CARMIL1: variants seen among roughly 807,000 people sequenced by gnomAD.
CARMIL1 encodes the protein F-actin-uncapping protein LRRC16A.
CARMIL1 carries 90 observed loss-of-function variants against 177.1 expected under a neutral mutation model. That is an observed-to-expected ratio of 0.51 (90% CI 0.43 to 0.61). The LOEUF is 0.61. Ranked by LOEUF, CARMIL1 falls within the 20% of genes least tolerant of loss-of-function variation. The pLI is 0.00. For synonymous variants in CARMIL1, 577 were observed against 606.2 expected (o/e 0.95, Z 0.71); for missense variants, 1,380 against 1,667.0 (o/e 0.83, Z 3.00).
At chr6:25,444,722 C>T (rs1292491924) in intron 5 of CARMIL1, among the ~76,000 whole-genome samples, 2 of 152,176 alleles carry the variant, frequency 1.3e-5, no homozygotes, top group Non-Finnish European at 2.9e-5. Flanking sequence ...TTTATGGCAG[C>T]ATAGTATTCC....
At chr6:25,476,022 G>A (rs80123984) in intron 11 of CARMIL1, among the ~76,000 whole-genome samples, 20,114 of 152,192 alleles carry the variant, frequency 0.13, 1,492 homozygotes, top group South Asian at 0.19. Context: ...AAGATGCAAA[G>A]TGTCTAGTGT....
chr6:25,297,611 G>A (rs1782520626), intron 2 of CARMIL1, among the ~76,000 whole-genome samples: 2 of 152,178 alleles, frequency 1.3e-5, no homozygotes, highest in Admixed American at 6.5e-5. Context: ...TGGAGCAAAG[G>A]AAAGGCTATT....
chr6:25,399,431 G>A (rs578156003), intron 2 of CARMIL1, among the ~76,000 whole-genome samples: 27 of 152,276 alleles, frequency 1.8e-4, no homozygotes, highest in African/African-American at 6.0e-4. Context: ...TAAGTGTATC[G>A]TGGATGGTTT....
At chr6:25,440,017 A>G (rs1797591867) in intron 5 of CARMIL1, among the ~76,000 whole-genome samples, 2 of 152,180 alleles carry the variant, frequency 1.3e-5, no homozygotes, top group South Asian at 4.1e-4. Context: ...GAGCTGCTTA[A>G]ACAAAGACCA....
chr6:25,533,204 C>G (rs765215825), intron 24 of CARMIL1, among the ~76,000 whole-genome samples: 1 of 152,246 alleles, frequency 6.6e-6, no homozygotes, highest in Non-Finnish European at 1.5e-5. Context: ...CTCTGTCCCT[C>G]TTTATCTACT....
chr6:25,391,687 A>G (rs1792835701), intron 2 of CARMIL1, among the ~76,000 whole-genome samples: 1 of 152,208 alleles, frequency 6.6e-6, no homozygotes, highest in Non-Finnish European at 1.5e-5. Flanking sequence ...CCTTAGTTGC[A>G]CTAACCATAT....
intron 24 of CARMIL1, among the ~76,000 whole-genome samples, chr6:25,530,905 T>C (rs214057): frequency 0.4 from 60,835 of 151,946 alleles, 12,360 homozygotes; most frequent in East Asian, 0.45. Context: ...TATAGCTACA[T>C]TTTAGAGGGT....
rs762867896 is a variant in CARMIL1 at position 25,537,936 on chromosome 6, T to A, written c.2149T>A (p.Leu717Ile). The A allele has an allele frequency of 6.2e-7, 1 of 1,606,418 alleles. No homozygotes were observed. Among genetic ancestry groups the A allele is most frequent in the South Asian group, 1.1e-5 (1 of 89,028 alleles). ...NCGGDAIQED[L>I]KSAERLMRDA... ...TGGGGGAGACGCTATCCAGGAAGATTTAAAATCAGCAGAGCGGCTCATGCG... is the reference window on the plus strand; with the variant it reads ...TGGGGGAGACGCTATCCAGGAAGATATAAAATCAGCAGAGCGGCTCATGCG... Residue 717 changes from leucine to isoleucine, a missense_variant, in exon 25 of 37, where the codon TTA becomes ATA. Physicochemically the swap from Leu to Ile is conservative, Grantham distance 5 (BLOSUM62 2). Transcript: ENST00000329474.
At chr6:25,466,405 T>C (rs1000532184) in intron 9 of CARMIL1, among the ~76,000 whole-genome samples, 1 of 152,210 alleles carries the variant, frequency 6.6e-6, no homozygotes. Context: ...GGGTTTTGGG[T>C]AGATTTATAT....
At chr6:25,381,818 G>C (rs1454986197) in intron 2 of CARMIL1, among the ~76,000 whole-genome samples, 1 of 151,946 alleles carries the variant, frequency 6.6e-6, no homozygotes, top group African/African-American at 2.4e-5. Context: ...TACATCACTG[G>C]TCATTGGTGA....
intron 2 of CARMIL1, among the ~76,000 whole-genome samples, chr6:25,380,266 C>T (rs909606488): frequency 3.3e-5 from 5 of 152,144 alleles, no homozygotes; most frequent in Non-Finnish European, 5.9e-5. Flanking sequence ...TACTCTAAAG[C>T]AGAAGTCACC....
rs186727566 is a variant in CARMIL1 at position 25,588,962 on chromosome 6, C to G, written c.3007-5453C>G. ...ATATATTCTCGGCATAGGGCATAGC[C>G]CCACACTAGTCGGCCCAATGATGAA... On this transcript the variant is annotated intron_variant, in intron 31 of 36. Transcript: ENST00000329474. Among the ~76,000 whole-genome samples the G allele has an allele frequency of 2.6e-3, 398 of 152,288 alleles. 1 individual carries two copies. Among genetic ancestry groups the G allele is most frequent in the Non-Finnish European group, 3.6e-3 (247 of 68,028 alleles).
intron 2 of CARMIL1, among the ~76,000 whole-genome samples, chr6:25,292,935 C>A (rs1371602462): frequency 6.6e-6 from 1 of 151,718 alleles, no homozygotes; most frequent in Non-Finnish European, 1.5e-5. Flanking sequence ...AAAATAGTTA[C>A]AGAGAAAAAT....
intron 2 of CARMIL1, among the ~76,000 whole-genome samples, chr6:25,417,792 C>A (rs1486304837): frequency 6.6e-6 from 1 of 152,144 alleles, no homozygotes; most frequent in East Asian, 1.9e-4. Context: ...AATTGAATGA[C>A]CTTGAAGTGA....
At chr6:25,585,744 A>G (rs891425764) in intron 31 of CARMIL1, among the ~76,000 whole-genome samples, 47 of 152,082 alleles carry the variant, frequency 3.1e-4, no homozygotes, top group African/African-American at 1.1e-3. Context: ...GGGAGTGGTG[A>G]TGACTCTTAA....
At chr6:25,619,237 G>A (rs1445105329) in intron 36 of CARMIL1, among the ~76,000 whole-genome samples, 1 of 152,122 alleles carries the variant, frequency 6.6e-6, no homozygotes, top group Non-Finnish European at 1.5e-5. Flanking sequence ...GTTTTTGTGT[G>A]TGTTTTCTCA....
intron 29 of CARMIL1, among the ~76,000 whole-genome samples, chr6:25,565,642 C>T (rs142715017): frequency 0.012 from 1,828 of 152,266 alleles, 25 homozygotes; most frequent in African/African-American, 0.035. Flanking sequence ...GTGAGGAGAT[C>T]GAGACCATCC....
At chr6:25,409,614 A>C (rs1302178324) in intron 2 of CARMIL1, among the ~76,000 whole-genome samples, 2 of 152,150 alleles carry the variant, frequency 1.3e-5, no homozygotes, top group African/African-American at 2.4e-5. Flanking sequence ...CTCATGGTGG[A>C]TCCCGCTTAC....
chr6:25,387,114 C>CAAAAAAAAAAAAAAAAAAAAAAAAAAAAA (rs377548646), intron 2 of CARMIL1, among the ~76,000 whole-genome samples: 5 of 101,918 alleles, frequency 4.9e-5, no homozygotes, highest in African/African-American at 1.8e-4. Context: ...ACTCTGTCTC[C>CAAAAAAAAAAAAAAAAAAAAAAAAAAAAA]AAAAAAAAAA....
Sources: gnomAD v4.1 joint callset for allele counts (sites outside exome capture counted in the v4.1 genomes callset) on GRCh38, gnomAD v4.1.1 for gene constraint, MANE v1.5 for transcripts, NCBI Gene and HGNC (gene_info 2026-07-23, HGNC 2026-07-21) for gene names.